MCOLN2: variants seen among roughly 807,000 people sequenced by gnomAD.
MCOLN2 encodes mucolipin TRP cation channel 2.
Under a neutral mutation model 67.5 loss-of-function variants are expected in MCOLN2, and 57 were observed. The observed-to-expected ratio is 0.84, with a 90% CI of 0.68 to 1.05. MCOLN2 has a LOEUF of 1.05. Among genes scored for constraint, MCOLN2 ranks in the 50% least tolerant of loss-of-function variants. The probability of loss-of-function intolerance (pLI) is 0.00; values close to 1 mark genes in which losing one functional copy is unlikely to be tolerated. For synonymous variants in MCOLN2, 246 were observed against 233.3 expected (o/e 1.05, Z -0.50); for missense variants, 620 against 678.8 (o/e 0.91, Z 0.96).
chr1:84,973,277 GA>G (rs1254337231), intron 1 of MCOLN2, among the ~76,000 whole-genome samples: 3 of 152,140 alleles, frequency 2.0e-5, no homozygotes, highest in Non-Finnish European at 4.4e-5. Context: ...AAGAGTTCAA[GA>G]CCAGCCTGGA....
In MCOLN2 at chr1:84,996,898, G is replaced by A. The variant is rs1557671444; in HGVS notation, c.-26C>T. On this transcript the variant is annotated 5_prime_UTR_variant, in exon 1 of 14. Coordinates refer to ENST00000370608, the MANE Select transcript of MCOLN2 (RefSeq NM_153259.4). ...GCCTCCTCCTTCAAAACTTTCCAGG[G>A]CTCTCGGGATTCGGAACAGGAAACA... 1 of 1,606,712 alleles carries A rather than the reference G, an allele frequency of 6.2e-7. No homozygotes were observed. Among genetic ancestry groups the A allele is most frequent in the Admixed American group, 1.7e-5 (1 of 59,980 alleles).
At chr1:84,937,915 G>A in intron 10 of MCOLN2, 38 bp from the exon 11 acceptor site, 9 of 1,613,878 alleles carry the variant, frequency 5.6e-6, no homozygotes, top group Non-Finnish European at 7.6e-6. Context: ...TGAAAAAGTA[G>A]CTATTAGAAC....
At chr1:84,946,987 T>C in intron 7 of MCOLN2, 46 bp downstream of exon 7, 1 of 946,006 alleles carries the variant, frequency 1.1e-6, no homozygotes, top group Non-Finnish European at 1.7e-6. Context: ...AATAAAGTGT[T>C]AAAAATCATC....
intron 4 of MCOLN2, among the ~76,000 whole-genome samples, chr1:84,954,168 G>T (rs1489952292): frequency 1.3e-5 from 2 of 152,174 alleles, no homozygotes; most frequent in African/African-American, 4.8e-5. Flanking sequence ...CTGATACACG[G>T]GATACACTTA....
chr1:84,939,981 C>A (rs950137507), intron 8 of MCOLN2, among the ~76,000 whole-genome samples: 1 of 152,140 alleles, frequency 6.6e-6, no homozygotes, highest in Non-Finnish European at 1.5e-5. Context: ...AAATACTTTT[C>A]ATATTACCAA....
chr1:84,977,733 T>A (rs981805168), intron 1 of MCOLN2, among the ~76,000 whole-genome samples: 1 of 152,120 alleles, frequency 6.6e-6, no homozygotes, highest in Non-Finnish European at 1.5e-5. Flanking sequence ...AGCACCCAGA[T>A]ATAGAAAGCA....
At chr1:84,996,733 C>A (rs1191805777) in intron 1 of MCOLN2, 63 bp downstream of exon 1, 1 of 1,438,938 alleles carries the variant, frequency 6.9e-7, no homozygotes, top group Non-Finnish European at 9.8e-7. Context: ...GAAAGTAAAG[C>A]CATCGACTTT....
chr1:84,981,364 G>T (rs1219133013), intron 1 of MCOLN2, among the ~76,000 whole-genome samples: 1 of 152,150 alleles, frequency 6.6e-6, no homozygotes, highest in African/African-American at 2.4e-5. Context: ...TCTCATGTTT[G>T]TTGCAGACCA....
chr1:84,987,575 TACATA>T (rs1277527005), intron 1 of MCOLN2, among the ~76,000 whole-genome samples: 2 of 87,302 alleles, frequency 2.3e-5, no homozygotes, highest in Non-Finnish European at 4.4e-5. Context: ...CATAGATGTA[TACATA>T]GATATATACA....
intron 7 of MCOLN2, among the ~76,000 whole-genome samples, chr1:84,942,314 G>C (rs545169614): frequency 2.6e-5 from 4 of 152,320 alleles, no homozygotes; most frequent in Admixed American, 2.0e-4. Context: ...CACAGAGACA[G>C]TGTAGAATGG....
chr1:84,945,938 G>A (rs1383395778), intron 7 of MCOLN2, among the ~76,000 whole-genome samples: 2 of 151,952 alleles, frequency 1.3e-5, no homozygotes, highest in Admixed American at 6.6e-5. Context: ...TAGTAGAGAC[G>A]CGGTTTTGTC....
At chr1:84,958,755 G>C in intron 2 of MCOLN2, 53 bp from the exon 3 acceptor site, 2 of 1,329,138 alleles carry the variant, frequency 1.5e-6, no homozygotes, top group Admixed American at 2.6e-5. Flanking sequence ...TATCAGGGGA[G>C]GCAAATGTCT....
chr1:84,944,622 A>G (rs555288310), intron 7 of MCOLN2, among the ~76,000 whole-genome samples: 198 of 152,302 alleles, frequency 1.3e-3, no homozygotes, highest in Non-Finnish European at 8.1e-4. Context: ...TTCCTCCCCA[A>G]GCCCCTCATC....
chr1:84,946,939 A>G, intron 7 of MCOLN2, 94 bp downstream of exon 7: 1 of 658,204 alleles, frequency 1.5e-6, no homozygotes. Flanking sequence ...TCTTCCTATT[A>G]TCATGCAAAC....
chr1:84,939,788 T>C, intron 8 of MCOLN2, 86 bp from the exon 9 acceptor site: 1 of 1,414,048 alleles, frequency 7.1e-7, no homozygotes, highest in Admixed American at 2.0e-5. Flanking sequence ...TGCTCTCACC[T>C]GTAAAAGGAC....
chr1:84,959,940 C>T (rs1243452692), intron 2 of MCOLN2, among the ~76,000 whole-genome samples: 1 of 152,150 alleles, frequency 6.6e-6, no homozygotes, highest in Non-Finnish European at 1.5e-5. Flanking sequence ...TGGCCTGTGG[C>T]TGTAGTCCCA....
intron 1 of MCOLN2, among the ~76,000 whole-genome samples, chr1:84,975,265 C>T (rs150731987): frequency 1.3e-5 from 2 of 152,282 alleles, no homozygotes; most frequent in East Asian, 3.9e-4. Context: ...CAGGTCTGAC[C>T]CAGTGTAGTC....
At chr1:84,965,528 T>C (rs756424458) in intron 2 of MCOLN2, 21 bp downstream of exon 2, 3 of 1,606,478 alleles carry the variant, frequency 1.9e-6, no homozygotes, top group South Asian at 1.1e-5. Flanking sequence ...AAAAACCAAA[T>C]GAAATAATAA....
intron 11 of MCOLN2, among the ~76,000 whole-genome samples, chr1:84,933,214 A>G (rs575783361): frequency 3.9e-5 from 6 of 152,286 alleles, no homozygotes; most frequent in African/African-American, 9.6e-5. Context: ...TGCACTCCGT[A>G]TCGGTAAGAA....
Sources: gnomAD v4.1 joint callset for allele counts (sites outside exome capture counted in the v4.1 genomes callset) on GRCh38, gnomAD v4.1.1 for gene constraint, MANE v1.5 for transcripts, NCBI Gene and HGNC (gene_info 2026-07-23, HGNC 2026-07-21) for gene names.